COBL: variants seen among roughly 807,000 people sequenced by gnomAD.
COBL encodes protein cordon-bleu.
A neutral mutation model predicts 98.8 loss-of-function variants in COBL; 51 were observed. The observed-to-expected ratio is 0.52, with a 90% confidence interval of 0.41 to 0.65. The LOEUF is 0.65. Among genes scored for constraint, COBL ranks in the 30% least tolerant of loss-of-function variants. The pLI, the probability that COBL is intolerant of heterozygous loss-of-function variation, is 0.00. For missense variants in COBL, 1,617 were observed against 1,617.5 expected (o/e 1.00, Z 0.01); for synonymous variants, 634 against 651.7 (o/e 0.97, Z 0.41).
intron 2 of COBL, among the ~76,000 whole-genome samples, chr7:51,199,377 C>T (rs2129063427): frequency 6.6e-6 from 1 of 152,274 alleles, no homozygotes; most frequent in African/African-American, 2.4e-5. Context: ...TCTGCTCCTT[C>T]AAATGCACAG....
intron 8 of COBL, among the ~76,000 whole-genome samples, chr7:51,038,211 C>T (rs1040585156): frequency 6.6e-6 from 1 of 152,184 alleles, no homozygotes; most frequent in Non-Finnish European, 1.5e-5. Flanking sequence ...ATTCTTGAGA[C>T]TCTTCAATTT....
chr7:51,170,027 T>C lies in COBL; in HGVS notation c.783+14075A>G, dbSNP rs561142058. On this transcript the variant is annotated intron_variant, in intron 5 of 12. Transcript: ENST00000265136. ...ACAAATTTATCAATGTTTTCCATTATCACATTTGGATTTTTAGTCATAATT... is the reference window on the plus strand; with the variant it reads ...ACAAATTTATCAATGTTTTCCATTACCACATTTGGATTTTTAGTCATAATT... Among the ~76,000 whole-genome samples the C allele has an allele frequency of 1.1e-4, 17 of 152,314 alleles. No homozygotes were observed. In the South Asian group the frequency reaches 3.3e-3, roughly 30 times the overall value.
rs767985519 is a variant in COBL at position 51,025,169 on chromosome 7, G to A, written c.3708C>T (p.Asp1236=). ...TGGCGTCCATCAAGGCTTGCCTTGC[G>A]TCTGCGGTGTTGCTGAGGGTGCCCG... ...FSTGTLSNTA[D]ARQALMDAIR... Residue 1236 remains aspartate (D), a synonymous_variant, in exon 12 of 13, where the codon GAC becomes GAT. Coordinates refer to ENST00000265136, the MANE Select transcript of COBL (RefSeq NM_015198.5). 3.4e-5 allele frequency: 54 copies of A among 1,610,288 alleles called. No individual in the cohort carries two copies. The highest frequency in any genetic ancestry group is 1.2e-4 in the Admixed American group (7 of 59,828).
chr7:51,162,106 A>T (rs915529289), intron 5 of COBL, among the ~76,000 whole-genome samples: 2 of 152,196 alleles, frequency 1.3e-5, no homozygotes, highest in Non-Finnish European at 2.9e-5. Flanking sequence ...ACAACTGACT[A>T]TGTGACCTCC....
chr7:51,096,513 GAAATAGA>G (rs903130294), intron 6 of COBL, among the ~76,000 whole-genome samples: 2 of 151,620 alleles, frequency 1.3e-5, no homozygotes, highest in African/African-American at 4.8e-5. Context: ...AGAAATAAAT[GAAATAGA>G]AAATAGAAAA....
intron 1 of COBL, among the ~76,000 whole-genome samples, chr7:51,302,649 C>T (rs1802086996): frequency 1.3e-5 from 2 of 150,800 alleles, no homozygotes; most frequent in African/African-American, 4.9e-5. Context: ...GTAATCCCAA[C>T]ACTTTGGGGA....
At position 51,136,301 on chromosome 7, in the gene COBL, T is replaced by C. The variant is rs774300520; in HGVS notation, c.814A>G (p.Met272Val). Residue 272 changes from methionine (M) to valine (V), a missense_variant, in exon 6 of 13, where the codon ATG becomes GTG. This residue lies in a region of COBL where 1,304 missense variants were observed against 1,282.0 expected (regional missense o/e 1.02). Transcript: ENST00000265136. The part of the protein sequence containing the change: ...GCLTTPNSPS[M>V]HSRSLTLGPS... The stretch of plus-strand genomic sequence containing the variant: ...CCCAGCGTAAGAGAACGTGAGTGCA[T>C]GGATGGGGAGTTGGGGGTCGTTAAA... 17 of 1,613,650 alleles carry C rather than the reference T, an allele frequency of 1.1e-5. No individual in the cohort carries two copies. In the South Asian group the frequency reaches 1.5e-4, roughly 15 times the overall value.
At chr7:51,163,075 A>G (rs1336387006) in intron 5 of COBL, among the ~76,000 whole-genome samples, 1 of 152,230 alleles carries the variant, frequency 6.6e-6, no homozygotes, top group Non-Finnish European at 1.5e-5. Flanking sequence ...CAGCCCAGAC[A>G]GTGAACTAAG....
At chr7:51,293,313 A>G (rs927089773) in intron 1 of COBL, among the ~76,000 whole-genome samples, 1 of 152,246 alleles carries the variant, frequency 6.6e-6, no homozygotes, top group African/African-American at 2.4e-5. Context: ...ATGAATGTTC[A>G]TAATAGCTTT....
At chr7:51,156,456 G>T (rs1786142882) in intron 5 of COBL, 1 of 984,988 alleles carries the variant, frequency 1.0e-6, no homozygotes, top group South Asian at 4.7e-5. Flanking sequence ...CCAGCAGGAA[G>T]CATCACCCAG....
At chr7:51,238,619 G>A (rs1435045367) in intron 1 of COBL, among the ~76,000 whole-genome samples, 3 of 149,214 alleles carry the variant, frequency 2.0e-5, no homozygotes, top group Non-Finnish European at 4.4e-5. Context: ...TTAAAGCAAA[G>A]GGGGAAAAAT....
rs369323547 is a variant in COBL at position 51,027,740 on chromosome 7, G to A, written c.3356C>T (p.Ser1119Phe). 1.2e-6 allele frequency: 2 copies of A among 1,613,906 alleles called. No homozygotes were observed. Among genetic ancestry groups the A allele is most frequent in the African/African-American group, 2.7e-5 (2 of 74,928 alleles). The change falls in exon 10 of 13, where the codon TCT becomes TTT. Residue 1119 changes from serine to phenylalanine, a missense_variant. Coordinates refer to ENST00000265136, the MANE Select transcript of COBL (RefSeq NM_015198.5). ...LHSALMEAIH[S>F]AGGKDRLRKT... ...GCGTAGTCTGTCCTTCCCTCCCGCA[G>A]AGTGGATGGCTTCCATCAGGGCAGA...
chr7:51,309,847 G>C (rs1802843900), intron 1 of COBL, among the ~76,000 whole-genome samples: 1 of 152,230 alleles, frequency 6.6e-6, no homozygotes, highest in African/African-American at 2.4e-5. Context: ...GGCAAGTAAA[G>C]GGACAATCAT....
chr7:51,089,656 G>A (rs1164524866), intron 6 of COBL, among the ~76,000 whole-genome samples: 1 of 152,154 alleles, frequency 6.6e-6, no homozygotes, highest in Non-Finnish European at 1.5e-5. Context: ...ACATAGATTT[G>A]TTTTGTTAGC....
intron 1 of COBL, among the ~76,000 whole-genome samples, chr7:51,310,310 G>A (rs183541963): frequency 2.0e-5 from 3 of 152,322 alleles, no homozygotes; most frequent in Admixed American, 6.5e-5. Context: ...TGCAGGCTGC[G>A]TGGAGAAGGA....
At chr7:51,060,444 T>TAC (rs1466634531) in intron 7 of COBL, among the ~76,000 whole-genome samples, 1 of 152,190 alleles carries the variant, frequency 6.6e-6, no homozygotes, top group Non-Finnish European at 1.5e-5. Context: ...TCACTGGTCT[T>TAC]ACCAAGTTCC....
At chr7:51,176,449 T>C (rs1269767876) in intron 5 of COBL, among the ~76,000 whole-genome samples, 1 of 152,058 alleles carries the variant, frequency 6.6e-6, no homozygotes, top group Non-Finnish European at 1.5e-5. Context: ...CCCATATTTT[T>C]TGAGTCCTCT....
Position 51,136,383 on chromosome 7 carries a change from C to T in COBL, c.784-52G>A, listed in dbSNP as rs745791731. The T allele has an allele frequency of 5.1e-5, 79 of 1,538,252 alleles. No individual in the cohort carries two copies. In the African/African-American group the frequency reaches 9.9e-4, roughly 19 times the overall value. On this transcript the variant is annotated intron_variant, in intron 5 of 12. Coordinates refer to ENST00000265136, the MANE Select transcript of COBL (RefSeq NM_015198.5). ...CCAAATCAGTATGAGATGACTTCTC[C>T]CCGTATGAATGCTCACATGAAGACA...
intron 5 of COBL, among the ~76,000 whole-genome samples, chr7:51,167,567 GA>G (rs542503096): frequency 1.3e-5 from 2 of 150,154 alleles, no homozygotes; most frequent in Admixed American, 1.3e-4. Flanking sequence ...CACAGAAATA[GA>G]AAAAAAAATC....
Sources: allele counts gnomAD v4.1 joint callset (sites outside exome capture counted in the v4.1 genomes callset), GRCh38; gene constraint gnomAD v4.1.1; regional missense constraint gnomAD v4.1.1; transcripts MANE v1.5; gene names NCBI Gene and HGNC (gene_info 2026-07-23, HGNC 2026-07-21).